The following FRMD3 variants were observed in gnomAD, a reference collection of about 807,000 sequenced individuals.
FRMD3 encodes the protein FERM domain containing 3, also known as FERM domain-containing protein 3.
In FRMD3, 33 loss-of-function variants were observed where a neutral mutation model predicts 70.2. The ratio of observed to expected loss-of-function variants is 0.47; its 90% CI spans 0.36 to 0.63. The LOEUF is 0.63. FRMD3 is among the 20% of genes least tolerant of loss of function. The pLI is 0.00. For missense variants in FRMD3, 632 were observed against 711.4 expected, an observed-to-expected ratio of 0.89 and a Z score of 1.27; for synonymous variants, 279 against 255.9, an observed-to-expected ratio of 1.09 and a Z score of -0.86.
At chr9:83,300,742 C>T (rs922900781) in intron 10 of FRMD3, among the ~76,000 whole-genome samples, 2 of 152,048 alleles carry the variant, frequency 1.3e-5, no homozygotes, top group African/African-American at 4.8e-5. Flanking sequence ...GCACATTTTC[C>T]CATGTTATTA....
At chr9:83,535,181 T>C (rs111357738) in intron 1 of FRMD3, among the ~76,000 whole-genome samples, 5 of 152,144 alleles carry the variant, frequency 3.3e-5, no homozygotes, top group African/African-American at 1.2e-4. Context: ...AGATCAGACA[T>C]AATGAGTGGA....
At chr9:83,318,911 A>C (rs1454287411) in intron 6 of FRMD3, among the ~76,000 whole-genome samples, 1 of 151,820 alleles carries the variant, frequency 6.6e-6, no homozygotes, top group African/African-American at 2.4e-5. Context: ...GATGTTGAAC[A>C]TTTTTTTCAT....
chr9:83,258,435 C>G (rs910404457), intron 13 of FRMD3, among the ~76,000 whole-genome samples: 8 of 152,228 alleles, frequency 5.3e-5, no homozygotes, highest in African/African-American at 1.9e-4. Context: ...AGCTAAAGAG[C>G]CTGGCTAACA....
chr9:83,409,782 T>C (rs1455835423), intron 1 of FRMD3, among the ~76,000 whole-genome samples: 1 of 152,192 alleles, frequency 6.6e-6, no homozygotes, highest in African/African-American at 2.4e-5. Context: ...ACATGAACTC[T>C]CTTCTGTGCC....
intron 1 of FRMD3, among the ~76,000 whole-genome samples, chr9:83,526,380 T>A (rs749629990): frequency 2.0e-5 from 3 of 152,230 alleles, no homozygotes; most frequent in African/African-American, 7.2e-5. Flanking sequence ...AAACTAACCA[T>A]GTGGAACTCA....
Position 83,372,067 on chromosome 9 carries a change from C to T in FRMD3, c.295+846G>A, listed in dbSNP as rs370334969. The stretch of plus-strand genomic sequence containing the variant: ...TAATATGCATTAACCTAATCTCTGA[C>T]GAGAAACTGATTCATCACCTGCATT... On this transcript the variant is annotated intron_variant, in intron 3 of 13. Coordinates refer to ENST00000304195, the MANE Select transcript of FRMD3 (RefSeq NM_174938.6). Among the ~76,000 whole-genome samples, 15 of 152,272 alleles carry T rather than the reference C, an allele frequency of 9.9e-5. 1 individual carries two copies. Among genetic ancestry groups the T allele is most frequent in the Admixed American group, 3.9e-4 (6 of 15,296 alleles).
chr9:83,462,674 T>C (rs750304193), intron 1 of FRMD3, among the ~76,000 whole-genome samples: 1 of 152,120 alleles, frequency 6.6e-6, no homozygotes, highest in Non-Finnish European at 1.5e-5. Flanking sequence ...CTTGGAGATA[T>C]CTCTTTCTAA....
Position 83,349,723 on chromosome 9 carries a change from T to C in FRMD3, c.330A>G (p.Lys110=), listed in dbSNP as rs980595382. The C allele has an allele frequency of 3.7e-6, 6 of 1,612,368 alleles. No individual in the cohort carries two copies. The Admixed American group carries it at 6.7e-5, about 18-fold the overall frequency. Residue 110 remains lysine (K), a synonymous_variant, in exon 4 of 14, where the codon AAA becomes AAG. Transcript: ENST00000304195. The part of the protein sequence containing the change: ...HPPYTMCFRV[K]FYPHEPLKIK... ...TCTTCAAGGGTTCATGTGGGTAGAATTTCACTCTAAAGCACATGGTGTATG... is the reference window on the plus strand; with the variant it reads ...TCTTCAAGGGTTCATGTGGGTAGAACTTCACTCTAAAGCACATGGTGTATG...
chr9:83,290,999 A>G (rs1419357896), intron 12 of FRMD3, among the ~76,000 whole-genome samples: 4 of 152,174 alleles, frequency 2.6e-5, no homozygotes, highest in Non-Finnish European at 5.9e-5. Flanking sequence ...GCTAGGTGAC[A>G]GCCTGGGCGT....
At chr9:83,461,432 C>T (rs1459478290) in intron 1 of FRMD3, among the ~76,000 whole-genome samples, 1 of 152,048 alleles carries the variant, frequency 6.6e-6, no homozygotes, top group African/African-American at 2.4e-5. Flanking sequence ...TTTGCTACAG[C>T]ATCAGTGTAA....
At chr9:83,443,532 G>A (rs967613920) in intron 1 of FRMD3, among the ~76,000 whole-genome samples, 12 of 152,144 alleles carry the variant, frequency 7.9e-5, no homozygotes, top group African/African-American at 2.9e-4. Flanking sequence ...TCTTAATCCA[G>A]TCTGTCATTG....
At position 83,411,632 on chromosome 9, in the gene FRMD3, A is replaced by C. The variant is rs149810298; in HGVS notation, c.148-21924T>G. On this transcript the variant is annotated intron_variant, in intron 1 of 13. Coordinates refer to ENST00000304195, the MANE Select transcript of FRMD3 (RefSeq NM_174938.6). ...GGATTCCCCCTTGCTTGTCAGTGGTAGTGGGGTGGGGGCTACAAACCCGAG... is the reference window on the plus strand; with the variant it reads ...GGATTCCCCCTTGCTTGTCAGTGGTCGTGGGGTGGGGGCTACAAACCCGAG... 9.2e-5 allele frequency among the ~76,000 whole-genome samples: 14 copies of C among 152,338 alleles called. No homozygotes were observed. The East Asian group carries it at 2.7e-3, about 29-fold the overall frequency.
At chr9:83,383,903 G>A (rs1825433786) in intron 2 of FRMD3, among the ~76,000 whole-genome samples, 1 of 152,198 alleles carries the variant, frequency 6.6e-6, no homozygotes, top group African/African-American at 2.4e-5. Context: ...GATATCAGAT[G>A]TAAACAGAGT....
In FRMD3 at chr9:83,247,821, C is replaced by A; in HGVS notation, c.*97G>T. On this transcript the variant is annotated 3_prime_UTR_variant, in exon 14 of 14. Transcript: ENST00000304195. ...ATAATCAATTATGAGTAAGGAACAC[C>A]TGTTGACAGCCCCGTGACCCTTCAG... 3 of 1,522,192 alleles carry A rather than the reference C, an allele frequency of 2.0e-6. No individual in the cohort carries two copies. The highest frequency in any genetic ancestry group is 2.1e-5 in the Admixed American group (1 of 46,980). 94.3% of individuals were successfully genotyped at this position (1,522,192 alleles called of 1,614,324 possible). A position where few individuals can be genotyped will look rare whatever the true frequency, so the allele number is the denominator to read the frequency against.
intron 1 of FRMD3, among the ~76,000 whole-genome samples, chr9:83,490,884 A>T (rs1828809482): frequency 6.6e-6 from 1 of 151,744 alleles, no homozygotes. Flanking sequence ...AACAAGTGAA[A>T]ATGTAAGGAA....
At chr9:83,351,073 T>A in intron 3 of FRMD3, 1 of 701,880 alleles carries the variant, frequency 1.4e-6, no homozygotes, top group African/African-American at 1.9e-5. Flanking sequence ...TGAAACAACA[T>A]CCTATTTTAC....
intron 1 of FRMD3, among the ~76,000 whole-genome samples, chr9:83,488,856 C>G (rs866606573): frequency 1.7e-4 from 26 of 152,192 alleles, no homozygotes; most frequent in African/African-American, 6.0e-4. Context: ...ATGAAGAAAA[C>G]ACGACAAGGA....
the FRMD3 span, among the ~76,000 whole-genome samples, chr9:83,569,298 T>A: frequency 6.6e-6 from 1 of 152,146 alleles, no homozygotes; most frequent in Non-Finnish European, 1.5e-5. Flanking sequence ...AGGAAGAAAA[T>A]TTACCTTAGA....
chr9:83,525,559 T>C (rs189086405), intron 1 of FRMD3, among the ~76,000 whole-genome samples: 5 of 152,338 alleles, frequency 3.3e-5, no homozygotes, highest in Admixed American at 3.3e-4. Flanking sequence ...TTGTAGCATG[T>C]TGATAGGATT....
Sources: gnomAD v4.1 joint callset for allele counts (sites outside exome capture counted in the v4.1 genomes callset) on GRCh38, gnomAD v4.1.1 for gene constraint, MANE v1.5 for transcripts, NCBI Gene and HGNC (gene_info 2026-07-23, HGNC 2026-07-21) for gene names.